CDH20: variants seen among roughly 807,000 people sequenced by gnomAD.
CDH20 encodes cadherin-20.
Under a neutral mutation model 74.2 loss-of-function variants are expected in CDH20, and 29 were observed. The ratio of observed to expected loss-of-function variants is 0.39; its 90% CI spans 0.29 to 0.53. The LOEUF is 0.53. Among genes scored for constraint, CDH20 ranks in the 20% least tolerant of loss-of-function variants. CDH20 has a pLI of 0.69. For missense variants in CDH20, 988 were observed against 1,048.3 expected (o/e 0.94, Z 0.79); for synonymous variants, 469 against 405.4 (o/e 1.16, Z -1.88).
intron 1 of CDH20, among the ~76,000 whole-genome samples, chr18:61,476,575 G>T (rs907065303): frequency 6.6e-6 from 1 of 152,126 alleles, no homozygotes; most frequent in African/African-American, 2.4e-5. Context: ...TCCAGTAGAA[G>T]GTCGATGATA....
At position 61,527,954 on chromosome 18, in the gene CDH20, C is replaced by A; in HGVS notation, c.1018-13C>A. 6.2e-7 allele frequency: 1 copy of A among 1,613,448 alleles called. No homozygotes were observed. Among genetic ancestry groups the A allele is most frequent in the South Asian group, 1.1e-5 (1 of 90,996 alleles). On this transcript the variant is annotated splice_polypyrimidine_tract_variant and intron_variant, in intron 6 of 11. Transcript: ENST00000262717. ...CTCAGTGGCGAATCAATTTTCCTGTCATTGCTTTTCAGCCCCTGAGTTTTG... is the reference window on the plus strand; with the variant it reads ...CTCAGTGGCGAATCAATTTTCCTGTAATTGCTTTTCAGCCCCTGAGTTTTG...
chr18:61,513,075 G>C (rs1313052138), intron 6 of CDH20, among the ~76,000 whole-genome samples: 5 of 151,424 alleles, frequency 3.3e-5, no homozygotes, highest in Non-Finnish European at 7.4e-5. Flanking sequence ...TTTCTGTCTC[G>C]TTGATCTGTC....
chr18:61,453,488 C>T lies in CDH20; in HGVS notation c.-152-36914C>T, dbSNP rs141750683. Among the ~76,000 whole-genome samples, 729 of 152,206 alleles carry T rather than the reference C, an allele frequency of 4.8e-3. 6 individuals carry two copies. The highest frequency in any genetic ancestry group is 0.017 in the African/African-American group (692 of 41,524). On this transcript the variant is annotated intron_variant, in intron 1 of 11. Transcript: ENST00000262717. ...TAGAGATGGGGTTTCACCATGTTGA[C>T]CAGGCTGGTCTCAAACTCCTGACCT...
At chr18:61,466,090 ATATATATATATATAGC>A (rs1214283812) in intron 1 of CDH20, among the ~76,000 whole-genome samples, 2 of 150,146 alleles carry the variant, frequency 1.3e-5, no homozygotes, top group East Asian at 1.9e-4. Flanking sequence ...ATTAAGCTAT[ATATATATATATATAGC>A]TATTTATATA....
intron 1 of CDH20, among the ~76,000 whole-genome samples, chr18:61,466,391 C>T (rs991600547): frequency 6.6e-6 from 1 of 152,116 alleles, no homozygotes; most frequent in African/African-American, 2.4e-5. Context: ...TATCATACTG[C>T]ATTTCTTTAA....
At chr18:61,525,039 A>T (rs1056323767) in intron 6 of CDH20, among the ~76,000 whole-genome samples, 2 of 140,018 alleles carry the variant, frequency 1.4e-5, no homozygotes, top group African/African-American at 5.2e-5. Context: ...ATTATATGAC[A>T]TTCTTGCAAT....
At chr18:61,349,669 T>C (rs1046801053) in intron 1 of CDH20, among the ~76,000 whole-genome samples, 3 of 151,322 alleles carry the variant, frequency 2.0e-5, no homozygotes, top group Non-Finnish European at 4.4e-5. Flanking sequence ...TCAAGCCATA[T>C]CTCTCCTAAG....
At chr18:61,465,933 G>A (rs953122275) in intron 1 of CDH20, among the ~76,000 whole-genome samples, 1 of 152,026 alleles carries the variant, frequency 6.6e-6, no homozygotes, top group Non-Finnish European at 1.5e-5. Context: ...GGTGATATAG[G>A]CCCGTAGTCT....
intron 1 of CDH20, among the ~76,000 whole-genome samples, chr18:61,335,114 C>G (rs1909715524): frequency 6.6e-6 from 1 of 152,172 alleles, no homozygotes; most frequent in African/African-American, 2.4e-5. Flanking sequence ...TATTATGTTC[C>G]TATCTGCTCA....
At chr18:61,475,444 C>G (rs76979201) in intron 1 of CDH20, among the ~76,000 whole-genome samples, 3,737 of 152,292 alleles carry the variant, frequency 0.025, 155 homozygotes, top group East Asian at 0.12. Flanking sequence ...ACTCACTAAT[C>G]TTACATTGTT....
rs767929567 is a variant in CDH20 at position 61,528,056 on chromosome 18, A to C, written c.1107A>C (p.Pro369=). ...AGATGCGTTTTCTGAACTTGGGCCC[A>C]TTTCAGGACACAACAACAGTGCACA... The part of the protein sequence containing the change: ...HLEMRFLNLG[P]FQDTTTVHIS... Residue 369 remains proline, a synonymous_variant, in exon 7 of 12, where the codon CCA becomes CCC. Coordinates refer to ENST00000262717, the MANE Select transcript of CDH20 (RefSeq NM_031891.4). 1 of 1,614,126 alleles carries C rather than the reference A, an allele frequency of 6.2e-7. No homozygotes were observed.
rs1176528821 is a variant in CDH20, at chr18:61,353,857, G to A, written c.-153+20030G>A. On this transcript the variant is annotated intron_variant, in intron 1 of 11. Transcript: ENST00000262717. This position sits in a 1 kb window ranked among gnomAD's most constrained non-coding sequence, Gnocchi z 4.6. ...AGCATTTTAGGAGGCCGGGGCGGTTGGATTGCCTGAACTCTGTAGTTCATA... is the reference window on the plus strand; with the variant it reads ...AGCATTTTAGGAGGCCGGGGCGGTTAGATTGCCTGAACTCTGTAGTTCATA... Among the ~76,000 whole-genome samples, 3 of 152,070 alleles carry A rather than the reference G, an allele frequency of 2.0e-5. No homozygotes were observed. Among genetic ancestry groups the A allele is most frequent in the African/African-American group, 7.2e-5 (3 of 41,408 alleles).
intron 1 of CDH20, among the ~76,000 whole-genome samples, chr18:61,368,030 A>G (rs1262874484): frequency 6.6e-6 from 1 of 152,124 alleles, no homozygotes; most frequent in African/African-American, 2.4e-5. Context: ...CCAAGAACCT[A>G]TCTTCAAATA....
At chr18:61,345,452 T>A (rs940310754) in intron 1 of CDH20, among the ~76,000 whole-genome samples, 2 of 152,172 alleles carry the variant, frequency 1.3e-5, no homozygotes, top group Non-Finnish European at 2.9e-5. Flanking sequence ...CTGCTGTTAA[T>A]GAAACAGTTT....
rs772946835 is a variant in CDH20 at position 61,482,123 on chromosome 18, G to C, written c.-152-8279G>C. On this transcript the variant is annotated intron_variant, in intron 1 of 11. Transcript: ENST00000262717. ...CCAGGACAGGGAAGCTGGATTCAGA[G>C]CTGTATCTCAGGGAGGGGTGAGGTG... 8.1e-4 allele frequency among the ~76,000 whole-genome samples: 123 copies of C among 152,084 alleles called. 1 individual carries two copies. The highest frequency in any genetic ancestry group is 2.6e-4 in the Admixed American group (4 of 15,264).
At chr18:61,348,034 C>T (rs984905284) in intron 1 of CDH20, among the ~76,000 whole-genome samples, 1 of 152,114 alleles carries the variant, frequency 6.6e-6, no homozygotes, top group Non-Finnish European at 1.5e-5. Flanking sequence ...TTTGGCTTCA[C>T]GTGTATTATT....
At chr18:61,426,704 T>C (rs763430173) in intron 1 of CDH20, among the ~76,000 whole-genome samples, 20 of 152,186 alleles carry the variant, frequency 1.3e-4, no homozygotes, top group East Asian at 3.9e-4. Flanking sequence ...CAGCAGCATA[T>C]TGTGTGATTC....
At chr18:61,375,387 T>C (rs1911186926) in intron 1 of CDH20, among the ~76,000 whole-genome samples, 1 of 152,186 alleles carries the variant, frequency 6.6e-6, no homozygotes, top group Admixed American at 6.6e-5. Context: ...TAGTTGGAAA[T>C]GCCTGGGAGT....
chr18:61,347,290 ATATATATATATATAT>A (rs1910144978), intron 1 of CDH20, among the ~76,000 whole-genome samples: 5 of 42,712 alleles, frequency 1.2e-4, no homozygotes, highest in African/African-American at 4.7e-4. Flanking sequence ...CTCTGCTAAT[ATATATATATATATAT>A]ATATATATAT....
Sources: allele counts gnomAD v4.1 joint callset (sites outside exome capture counted in the v4.1 genomes callset), GRCh38; gene constraint gnomAD v4.1.1; non-coding constraint Gnocchi (gnomAD v3.1); transcripts MANE v1.5; gene names NCBI Gene and HGNC (gene_info 2026-07-23, HGNC 2026-07-21).